Variants in RAB13 observed in about 807,000 individuals in gnomAD.
RAB13 encodes RAB13, member RAS oncogene family, also known as ras-related protein Rab-13.
Under a neutral mutation model 29.3 loss-of-function variants are expected in RAB13, and 15 were observed. That is an observed-to-expected ratio of 0.51 (90% CI 0.34 to 0.79). The LOEUF (loss-of-function observed/expected upper bound fraction) is 0.79. RAB13 is among the 30% of genes least tolerant of loss of function. The pLI is 0.01. For synonymous variants in RAB13, 82 were observed against 93.8 expected (o/e 0.87, Z 0.73); for missense variants, 186 against 255.5 (o/e 0.73, Z 1.85).
chr1:153,983,348 C>G, intron 3 of RAB13, 52 bp from the exon 4 acceptor site: 1 of 1,563,690 alleles, frequency 6.4e-7, no homozygotes, highest in Non-Finnish European at 8.8e-7. Context: ...AGGCTTCCCA[C>G]TGCCCTGTAA....
At chr1:153,984,806 A>G (rs1649109366) in intron 1 of RAB13, 25 bp from the exon 2 acceptor site, 1 of 1,604,080 alleles carries the variant, frequency 6.2e-7, no homozygotes, top group Non-Finnish European at 8.5e-7. Flanking sequence ...TATGCACTGA[A>G]GTTGAGACAT....
At chr1:153,988,046 G>A (rs756721454), upstream of RAB13, among the ~76,000 whole-genome samples, 3 of 151,740 alleles carry the variant, frequency 2.0e-5, no homozygotes, top group Admixed American at 6.6e-5. Flanking sequence ...GTGCAGTGGC[G>A]CAATCTCGGC....
At chr1:153,988,933 T>C (rs1376463208), upstream of RAB13, among the ~76,000 whole-genome samples, 2 of 148,230 alleles carry the variant, frequency 1.3e-5, no homozygotes, top group Admixed American at 1.3e-4. Context: ...TTTTATTTTA[T>C]TTTTTGAGAC....
chr1:153,989,981 GCTAAA>G (rs907059113), upstream of RAB13, among the ~76,000 whole-genome samples: 3 of 152,072 alleles, frequency 2.0e-5, no homozygotes, highest in African/African-American at 7.2e-5. Context: ...CCCTTCTCAA[GCTAAA>G]CTATTCAATC....
chr1:153,985,452 T>A (rs1365902038), intron 1 of RAB13: 9 of 865,348 alleles, frequency 1.0e-5, no homozygotes, highest in Non-Finnish European at 1.2e-5. Flanking sequence ...CCCCCAAGCC[T>A]GCTGGGGGCC....
intron 4 of RAB13, 174 bp from the exon 5 acceptor site, chr1:153,982,982 G>A (rs748930016): frequency 3.8e-5 from 28 of 733,824 alleles, no homozygotes; most frequent in East Asian, 1.3e-4. Context: ...AAAATTAGCC[G>A]AGCATGGTGG....
In RAB13 at chr1:153,982,586, A is replaced by G. The variant is rs1419327542; in HGVS notation, c.429T>C (p.His143=). The G allele has an allele frequency of 3.1e-6, 5 of 1,613,818 alleles. No homozygotes were observed. Among genetic ancestry groups the G allele is most frequent in the Non-Finnish European group, 8.5e-7 (1 of 1,179,818 alleles). ...KEQADKLARE[H]GIRFFETSAK... ...CACTAGTTTCGAAAAATCGGATTCC[A>G]TGCTCTCGAGCCAACTATAAGGGGT... The change falls in exon 6 of 8, where the codon CAT becomes CAC. Residue 143 remains histidine (H), a synonymous_variant. Coordinates refer to ENST00000368575, the MANE Select transcript of RAB13 (RefSeq NM_002870.5).
At chr1:153,988,860 C>T (rs1649265275), upstream of RAB13, among the ~76,000 whole-genome samples, 1 of 149,646 alleles carries the variant, frequency 6.7e-6, no homozygotes, top group African/African-American at 2.4e-5. Flanking sequence ...GATCCACCCA[C>T]CTCTGCCTCC....
At chr1:153,983,444 C>G (rs1329847680) in intron 3 of RAB13, 77 bp downstream of exon 3, 1 of 1,527,692 alleles carries the variant, frequency 6.5e-7, no homozygotes, top group African/African-American at 1.4e-5. Flanking sequence ...TTACCTGCCC[C>G]AACCCCTGAC....
chr1:153,982,464 C>G lies in RAB13; in HGVS notation c.481-20G>C. The G allele has an allele frequency of 6.2e-7, 1 of 1,612,596 alleles. No homozygotes were observed. Among genetic ancestry groups the G allele is most frequent in the East Asian group, 2.2e-5 (1 of 44,864 alleles). On this transcript the variant is annotated intron_variant, in intron 6 of 7. Transcript: ENST00000368575. ...AAAAGCCTAAAGTGGGGAACAGAGT[C>G]AGTTTGGAGGGAGGAGAATCTACCT...
intron 1 of RAB13, chr1:153,985,111 C>G (rs537305515): frequency 9.4e-7 from 1 of 1,069,024 alleles, no homozygotes; most frequent in South Asian, 3.0e-5. Context: ...TCTGTCTCCC[C>G]CCAGATATTA....
chr1:153,988,828 T>C (rs1289081291), upstream of RAB13, among the ~76,000 whole-genome samples: 1 of 149,190 alleles, frequency 6.7e-6, no homozygotes, highest in Non-Finnish European at 1.5e-5. Context: ...GTCAGGCTGC[T>C]CTCGAACTCC....
chr1:153,982,296 A>G (rs1649001751), intron 7 of RAB13, 95 bp downstream of exon 7: 1 of 1,480,306 alleles, frequency 6.8e-7, no homozygotes, highest in Non-Finnish European at 9.4e-7. Flanking sequence ...CGTTTTTATC[A>G]ACACCAACAC....
At chr1:153,990,076 C>T (rs1442037275), upstream of RAB13, among the ~76,000 whole-genome samples, 1 of 152,016 alleles carries the variant, frequency 6.6e-6, no homozygotes, top group Non-Finnish European at 1.5e-5. Flanking sequence ...CATGTCTCCC[C>T]TGTTTATTTA....
chr1:153,982,659 A>T, intron 5 of RAB13, 59 bp from the exon 6 acceptor site: 1 of 1,610,790 alleles, frequency 6.2e-7, no homozygotes, highest in Non-Finnish European at 8.5e-7. Context: ...GTCCTCTGCA[A>T]TGCAACCTAT....
intron 1 of RAB13, 78 bp from the exon 2 acceptor site, chr1:153,984,859 G>A (rs1044405037): frequency 1.4e-5 from 21 of 1,506,164 alleles, no homozygotes; most frequent in Middle Eastern, 3.5e-4. Flanking sequence ...GGACAGGAAC[G>A]GAGCAGTGCT....
upstream of RAB13, chr1:153,986,493 G>A: frequency 2.1e-6 from 1 of 487,164 alleles, no homozygotes; most frequent in Non-Finnish European, 3.7e-6. Flanking sequence ...AGGCCGGCCT[G>A]TCTCTCTCGC....
rs200896887 is a variant in RAB13, at chr1:153,982,723, T to C, written c.410A>G (p.Asp137Gly). 6.2e-6 allele frequency: 10 copies of C among 1,614,174 alleles called. No individual in the cohort carries two copies. Among genetic ancestry groups the C allele is most frequent in the Middle Eastern group, 1.6e-4 (1 of 6,062 alleles). Reference protein sequence around the residue: ...AKRKVQKEQADKLAREHGIRF... With the variant: ...AKRKVQKEQAGKLAREHGIRF... ...ATTGCTCAGCCTGGCCCTCACCTTA[T>C]CGGCCTGCTCCTTCTGCACCTTCCT... The change falls in exon 5 of 8, where the codon GAT becomes GGT. Residue 137 changes from aspartate to glycine, a missense_variant. By Grantham distance (94) the Asp-to-Gly change is moderately conservative (BLOSUM62 -1). Coordinates refer to ENST00000368575, the MANE Select transcript of RAB13 (RefSeq NM_002870.5).
upstream of RAB13, among the ~76,000 whole-genome samples, chr1:153,988,848 G>A (rs1422791004): frequency 6.7e-6 from 1 of 149,360 alleles, no homozygotes; most frequent in Non-Finnish European, 1.5e-5. Flanking sequence ...CCGACCTCAG[G>A]TGATCCACCC....
Sources: gnomAD v4.1 joint callset for allele counts (sites outside exome capture counted in the v4.1 genomes callset) on GRCh38, gnomAD v4.1.1 for gene constraint, MANE v1.5 for transcripts, NCBI Gene and HGNC (gene_info 2026-07-23, HGNC 2026-07-21) for gene names.